The following KDR variants were observed in gnomAD, a reference collection of about 807,000 sequenced individuals.
KDR encodes vascular endothelial growth factor receptor 2.
KDR carries 43 observed loss-of-function variants against 160.9 expected under a neutral mutation model. That is an observed-to-expected ratio of 0.27 (90% CI 0.21 to 0.34). KDR has a LOEUF of 0.34. KDR is among the 10% of genes least tolerant of loss of function. The pLI, the probability that KDR is intolerant of heterozygous loss-of-function variation, is 1.00. For missense variants in KDR, 1,469 were observed against 1,666.4 expected (o/e 0.88, Z 2.06); for synonymous variants, 617 against 600.1 (o/e 1.03, Z -0.41).
At chr4:55,125,185 A>C in intron 1 of KDR, 42 bp downstream of exon 1, 2,103 of 1,569,340 alleles carry the variant, frequency 1.3e-3, no homozygotes, top group Non-Finnish European at 1.7e-3. Flanking sequence ...CTCCGCCCTC[A>C]CCCGACCTGT....
At chr4:55,104,615 G>T in intron 13 of KDR, 28 bp downstream of exon 13, 1 of 1,580,468 alleles carries the variant, frequency 6.3e-7, no homozygotes, top group Non-Finnish European at 8.7e-7. Context: ...AACTGCCTCT[G>T]CACAATGATC....
At chr4:55,115,530 A>G (rs1199413871) in intron 3 of KDR, 119 bp from the exon 4 acceptor site, 1 of 660,784 alleles carries the variant, frequency 1.5e-6, no homozygotes, top group East Asian at 2.7e-5. Flanking sequence ...ACCTCACACA[A>G]CCAAAGGCAT....
Position 55,082,497 on chromosome 4 carries a change from T to G in KDR, c.3762+39A>C, listed in dbSNP as rs547194966. On this transcript the variant is annotated intron_variant, in intron 28 of 29. Coordinates refer to ENST00000263923, the MANE Select transcript of KDR (RefSeq NM_002253.4). ...TTTATCTAGCTAGTGTTTCATCCTT[T>G]GTATTATTTCTAAGACTATTTTTAA... 18 of 1,420,410 alleles carry G rather than the reference T, an allele frequency of 1.3e-5. No individual in the cohort carries two copies. In the South Asian group the frequency reaches 2.1e-4, roughly 16 times the overall value. The allele number at this position is 1,420,410 out of a possible 1,614,324, so 88.0% of individuals were successfully genotyped here.
At chr4:55,086,291 C>T (rs528329373) in intron 27 of KDR, among the ~76,000 whole-genome samples, 1 of 152,110 alleles carries the variant, frequency 6.6e-6, no homozygotes. Context: ...TAGATTATAT[C>T]TTATAACTCT....
intron 1 of KDR, 100 bp from the exon 2 acceptor site, chr4:55,121,290 C>T (rs1720867614): frequency 1.2e-6 from 1 of 804,066 alleles, no homozygotes; most frequent in Non-Finnish European, 2.2e-6. Flanking sequence ...TAAAAGGCCT[C>T]TTCAGCAATT....
At chr4:55,105,772 C>CA in intron 12 of KDR, 60 bp downstream of exon 12, 1 of 1,016,632 alleles carries the variant, frequency 9.8e-7, no homozygotes, top group Non-Finnish European at 1.6e-6. Context: ...CAGGGAATTA[C>CA]ATAGCTTAGT....
Position 55,114,150 on chromosome 4 carries a change from G to T in KDR, c.774C>A (p.Phe258Leu), listed in dbSNP as rs756139175. Residue 258 changes from phenylalanine (F) to leucine (L), a missense_variant, in exon 6 of 30, where the codon TTC (phenylalanine) becomes TTA (leucine). By Grantham distance (22) the Phe-to-Leu change is conservative (BLOSUM62 0). Transcript: ENST00000263923. The stretch of plus-strand genomic sequence containing the variant: ...CCTTCGAAGAAGGGTATTCCCAGTT[G>T]AAGTCAATCCCCACATTTAGTTCAG... Reference protein sequence around the residue: ...ARTELNVGIDFNWEYPSSKHQ... With the variant: ...ARTELNVGIDLNWEYPSSKHQ... 9.3e-6 allele frequency: 15 copies of T among 1,613,948 alleles called. No homozygotes were observed. The highest frequency in any genetic ancestry group is 9.3e-6 in the Non-Finnish European group (11 of 1,179,876).
chr4:55,083,955 T>C (rs1719797762), intron 27 of KDR, among the ~76,000 whole-genome samples: 1 of 152,208 alleles, frequency 6.6e-6, no homozygotes, highest in African/African-American at 2.4e-5. Context: ...ACTGGTACCG[T>C]AGTCAATCAT....
intron 2 of KDR, among the ~76,000 whole-genome samples, chr4:55,119,493 T>C (rs1027823989): frequency 1.3e-5 from 2 of 152,128 alleles, no homozygotes; most frequent in Middle Eastern, 3.2e-3. Flanking sequence ...GTATAAAAGA[T>C]AGTGTTTAGT....
intron 13 of KDR, among the ~76,000 whole-genome samples, chr4:55,103,855 G>A (rs995009635): frequency 6.6e-6 from 1 of 152,070 alleles, no homozygotes; most frequent in Admixed American, 6.6e-5. Context: ...GAGAGAAGTG[G>A]CACAAAGAGA....
In KDR at chr4:55,118,733, T is replaced by A. The variant is rs1426723088; in HGVS notation, c.229A>T (p.Thr77Ser). ...CAGAAGAGGCCATCGCTGCACTCAG[T>A]CACCTCCACCCTTTGCTCACTGCCA... is the stretch of plus-strand genomic sequence containing the variant. ...QSGSEQRVEV[T>S]ECSDGLFCKT... The change falls in exon 3 of 30, where the codon ACT (threonine) becomes TCT (serine). Residue 77 changes from threonine (T) to serine (S), a missense_variant. Physicochemically the swap from Thr to Ser is moderately conservative, Grantham distance 58 (BLOSUM62 1). Transcript: ENST00000263923. 1.9e-6 allele frequency: 3 copies of A among 1,614,016 alleles called. No homozygotes were observed. The African/African-American group carries it at 4.0e-5, about 22-fold the overall frequency.
At chr4:55,112,825 C>A (rs986281492) in intron 7 of KDR, among the ~76,000 whole-genome samples, 4 of 152,028 alleles carry the variant, frequency 2.6e-5, no homozygotes, top group African/African-American at 9.7e-5. Flanking sequence ...CCACCGCGCC[C>A]GGCCTATACA....
intron 10 of KDR, among the ~76,000 whole-genome samples, chr4:55,107,306 A>G (rs1267229534): frequency 6.6e-6 from 1 of 152,110 alleles, no homozygotes; most frequent in African/African-American, 2.4e-5. Context: ...TCAGAGCATG[A>G]TAAGCTGGGC....
chr4:55,114,234 C>A lies in KDR; in HGVS notation c.690G>T (p.Pro230=). The stretch of plus-strand genomic sequence containing the variant: ...CAACAGATAGTTCAATTCCATGAGA[C>A]GGACTCAGAACCACATCATAAATCC... ...GYRIYDVVLS[P]SHGIELSVGE... Residue 230 remains proline, a synonymous_variant, in exon 6 of 30, where the codon CCG becomes CCT. Coordinates refer to ENST00000263923, the MANE Select transcript of KDR (RefSeq NM_002253.4). 1 of 1,613,840 alleles carries A rather than the reference C, an allele frequency of 6.2e-7. No individual in the cohort carries two copies. The highest frequency in any genetic ancestry group is 8.5e-7 in the Non-Finnish European group (1 of 1,179,856).
rs762149605 is a variant in KDR at position 55,092,715 on chromosome 4, C to A, written c.2972-1G>T. 3 of 1,606,974 alleles carry A rather than the reference C, an allele frequency of 1.9e-6. No individual in the cohort carries two copies. Among genetic ancestry groups the A allele is most frequent in the Non-Finnish European group, 2.6e-6 (3 of 1,173,692 alleles). ...AAGTCCTTATACAGATCTTCAGGAG[C>A]TGTCCAAAGAGGCAGGAGGATGGAG... On this transcript the variant is annotated splice_acceptor_variant, in intron 21 of 29. Coordinates refer to ENST00000263923, the MANE Select transcript of KDR (RefSeq NM_002253.4). LOFTEE classifies it high-confidence loss of function.
intron 10 of KDR, among the ~76,000 whole-genome samples, chr4:55,107,181 G>A (rs1026842211): frequency 6.6e-6 from 1 of 152,200 alleles, no homozygotes; most frequent in Non-Finnish European, 1.5e-5. Context: ...ATCAGCAGCT[G>A]AGGAAGAAGC....
At chr4:55,092,981 C>G (rs1200011097) in intron 21 of KDR, among the ~76,000 whole-genome samples, 1 of 152,076 alleles carries the variant, frequency 6.6e-6, no homozygotes, top group Admixed American at 6.6e-5. Context: ...TAACACTGAC[C>G]TAGATAATCT....
chr4:55,120,698 A>G (rs1720847439), intron 2 of KDR, among the ~76,000 whole-genome samples: 1 of 152,202 alleles, frequency 6.6e-6, no homozygotes, highest in African/African-American at 2.4e-5. Context: ...CATACCAAGC[A>G]TAATAAATAT....
chr4:55,108,224 A>G (rs78248072), intron 9 of KDR, among the ~76,000 whole-genome samples: 2,114 of 151,642 alleles, frequency 0.014, 55 homozygotes, highest in African/African-American at 0.048. Flanking sequence ...GAATAAAGTA[A>G]CGAAATAAAA....
Sources: gnomAD v4.1 joint callset for allele counts (sites outside exome capture counted in the v4.1 genomes callset) on GRCh38, gnomAD v4.1.1 for gene constraint, MANE v1.5 for transcripts, NCBI Gene and HGNC (gene_info 2026-07-23, HGNC 2026-07-21) for gene names.